Variants in PTPRD observed in about 807,000 individuals in gnomAD.
PTPRD encodes protein tyrosine phosphatase receptor type D, also known as receptor-type tyrosine-protein phosphatase delta.
A neutral mutation model predicts 214.5 loss-of-function variants in PTPRD; 34 were observed. The ratio of observed to expected loss-of-function variants is 0.16; its 90% CI spans 0.12 to 0.21. PTPRD has a LOEUF of 0.21. PTPRD is among the 10% of genes least tolerant of loss of function. PTPRD has a pLI of 1.00. For synonymous variants in PTPRD, 1,128 were observed against 845.7 expected (o/e 1.33, Z -5.79); for missense variants, 2,545 against 2,398.7 (o/e 1.06, Z -1.27).
intron 5 of PTPRD, chr9:9,799,624 G>C (rs1049908621): frequency 6.6e-6 from 1 of 152,084 alleles, no homozygotes; most frequent in Non-Finnish European, 1.5e-5. Context: ...GCATACATTT[G>C]CTAATGCTAA....
intron 12 of PTPRD, among the ~76,000 whole-genome samples, chr9:8,652,228 A>G (rs889039600): frequency 1.3e-5 from 2 of 152,252 alleles, no homozygotes; most frequent in African/African-American, 4.8e-5. Context: ...GCATGCCGAA[A>G]TAAACTGAAA....
At chr9:9,023,982 A>T (rs1371510743) in intron 10 of PTPRD, among the ~76,000 whole-genome samples, 4 of 151,960 alleles carry the variant, frequency 2.6e-5, no homozygotes, top group Admixed American at 1.3e-4. Flanking sequence ...TCTAAAAATA[A>T]TACAAATTTT....
chr9:8,335,430 C>T (rs1228911440), intron 43 of PTPRD, among the ~76,000 whole-genome samples: 1 of 152,132 alleles, frequency 6.6e-6, no homozygotes, highest in Non-Finnish European at 1.5e-5. Flanking sequence ...AGGCCTTTGG[C>T]AAAATTCAAC....
At chr9:8,999,420 G>A (rs1216388628) in intron 11 of PTPRD, among the ~76,000 whole-genome samples, 1 of 152,058 alleles carries the variant, frequency 6.6e-6, no homozygotes, top group Non-Finnish European at 1.5e-5. Flanking sequence ...AGGCTCAGAT[G>A]ATTGTTAGCA....
chr9:9,349,339 G>A (rs965918676), intron 9 of PTPRD, among the ~76,000 whole-genome samples: 5 of 152,020 alleles, frequency 3.3e-5, no homozygotes, highest in African/African-American at 1.2e-4. Context: ...CAGACTATCA[G>A]TCACCACACC....
intron 5 of PTPRD, among the ~76,000 whole-genome samples, chr9:9,921,269 C>T (rs946856483): frequency 6.6e-6 from 1 of 151,982 alleles, no homozygotes; most frequent in East Asian, 1.9e-4. Flanking sequence ...ATTTCTATAA[C>T]ATAAATGTCT....
At chr9:9,716,296 T>A (rs2097828918) in intron 7 of PTPRD, among the ~76,000 whole-genome samples, 1 of 151,982 alleles carries the variant, frequency 6.6e-6, no homozygotes. Context: ...CTATTGTGAA[T>A]AGTGCTGTAA....
intron 3 of PTPRD, among the ~76,000 whole-genome samples, chr9:10,175,197 C>A (rs2099240075): frequency 6.6e-6 from 1 of 152,014 alleles, no homozygotes; most frequent in South Asian, 2.1e-4. Flanking sequence ...TACTTACTAG[C>A]TCTCTTAAAT....
intron 7 of PTPRD, among the ~76,000 whole-genome samples, chr9:9,618,474 C>T (rs901717407): frequency 5.0e-4 from 76 of 151,986 alleles, no homozygotes; most frequent in African/African-American, 1.8e-3. Flanking sequence ...GAGTTGAGAA[C>T]ATGAGCTATG....
chr9:9,052,207 G>C (rs983737030), intron 10 of PTPRD, among the ~76,000 whole-genome samples: 2 of 152,066 alleles, frequency 1.3e-5, no homozygotes, highest in Non-Finnish European at 2.9e-5. Flanking sequence ...TATTTTATTA[G>C]GATACAATCC....
intron 42 of PTPRD, among the ~76,000 whole-genome samples, chr9:8,339,489 C>T (rs573424393): frequency 1.6e-4 from 24 of 152,184 alleles, no homozygotes; most frequent in African/African-American, 3.9e-4. Flanking sequence ...AAGAAACCTC[C>T]GAATTGATTT....
intron 14 of PTPRD, among the ~76,000 whole-genome samples, chr9:8,614,170 G>A (rs1197767098): frequency 6.6e-6 from 1 of 152,098 alleles, no homozygotes; most frequent in African/African-American, 2.4e-5. Flanking sequence ...GTATTACACT[G>A]AGCTTTTTGA....
chr9:9,004,481 T>G (rs200472082), intron 11 of PTPRD, among the ~76,000 whole-genome samples: 1 of 151,048 alleles, frequency 6.6e-6, no homozygotes, highest in African/African-American at 2.4e-5. Flanking sequence ...TCTGTGGCTG[T>G]TTTTTTTTAC....
chr9:10,125,228 T>C (rs917887992), intron 3 of PTPRD, among the ~76,000 whole-genome samples: 3 of 152,012 alleles, frequency 2.0e-5, no homozygotes, highest in Non-Finnish European at 2.9e-5. Flanking sequence ...GATACTATTA[T>C]ACTATCTTCA....
At chr9:9,073,201 T>C (rs2099746362) in intron 10 of PTPRD, among the ~76,000 whole-genome samples, 1 of 152,178 alleles carries the variant, frequency 6.6e-6, no homozygotes, top group Non-Finnish European at 1.5e-5. Flanking sequence ...TCAACGAAGA[T>C]TTATTTACTG....
intron 9 of PTPRD, among the ~76,000 whole-genome samples, chr9:9,234,199 G>A (rs962727436): frequency 2.6e-5 from 4 of 152,158 alleles, no homozygotes; most frequent in East Asian, 3.9e-4. Context: ...GCACCTGCAG[G>A]CCCAACACTA....
intron 3 of PTPRD, among the ~76,000 whole-genome samples, chr9:10,285,240 G>A (rs73644405): frequency 0.012 from 1,847 of 151,938 alleles, 44 homozygotes; most frequent in African/African-American, 0.042. Context: ...TACACTTTTT[G>A]TAAAACTTAG....
intron 33 of PTPRD, chr9:8,460,127 T>A (rs571185756): frequency 2.7e-6 from 1 of 366,316 alleles, no homozygotes; most frequent in Non-Finnish European, 5.0e-6. Flanking sequence ...AATGCCTCAA[T>A]TGTTATGAAA....
Position 10,016,467 on chromosome 9 carries a change from A to G in PTPRD, c.-472+17251T>C, listed in dbSNP as rs898156912. 2.0e-5 allele frequency among the ~76,000 whole-genome samples: 3 copies of G among 152,108 alleles called. No individual in the cohort carries two copies. In the East Asian group the frequency reaches 5.8e-4, roughly 29 times the overall value. On this transcript the variant is annotated intron_variant, in intron 4 of 45. Transcript: ENST00000381196. ...TATAGATAAAATGATGGTGTCTGTA[A>G]ATCATCAAAGAAAGCTAAAACTGTG...
Sources: gnomAD v4.1 joint callset for allele counts (sites outside exome capture counted in the v4.1 genomes callset) on GRCh38, gnomAD v4.1.1 for gene constraint, MANE v1.5 for transcripts, NCBI Gene and HGNC (gene_info 2026-07-23, HGNC 2026-07-21) for gene names.